Variants in OXSR1 observed in about 807,000 individuals in gnomAD.
OXSR1 encodes serine/threonine-protein kinase OSR1.
OXSR1 carries 24 observed loss-of-function variants against 79.8 expected under a neutral mutation model. The observed-to-expected ratio is 0.30, with a 90% confidence interval of 0.22 to 0.42. OXSR1 has a LOEUF of 0.42. Among genes scored for constraint, OXSR1 ranks in the 10% least tolerant of loss-of-function variants. The pLI, the probability that OXSR1 is intolerant of heterozygous loss-of-function variation, is 1.00. For synonymous variants in OXSR1, 226 were observed against 209.2 expected, an observed-to-expected ratio of 1.08 and a Z score of -0.69; for missense variants, 430 against 618.4, an observed-to-expected ratio of 0.70 and a Z score of 3.23.
intron 4 of OXSR1, among the ~76,000 whole-genome samples, chr3:38,205,060 G>A (rs897939101): frequency 2.6e-5 from 4 of 152,272 alleles, no homozygotes; most frequent in African/African-American, 7.2e-5. Flanking sequence ...TGCTGGCTGC[G>A]TTCTGCCTGG....
intron 10 of OXSR1, among the ~76,000 whole-genome samples, chr3:38,234,730 A>C (rs1017125188): frequency 9.2e-5 from 14 of 152,214 alleles, no homozygotes; most frequent in African/African-American, 3.1e-4. Flanking sequence ...CAGCAGTTCT[A>C]CTCCTAGGCA....
intron 10 of OXSR1, 149 bp from the exon 11 acceptor site, chr3:38,236,690 T>C: frequency 3.2e-6 from 2 of 625,840 alleles, no homozygotes; most frequent in Non-Finnish European, 5.3e-6. Context: ...AGGTGATGGT[T>C]GGAGGATATG....
chr3:38,242,842 G>A (rs1472107640), intron 12 of OXSR1, 64 bp downstream of exon 12: 5 of 1,025,770 alleles, frequency 4.9e-6, no homozygotes, highest in Middle Eastern at 2.0e-4. Context: ...GTTTCAATTC[G>A]AAGTGCTTTT....
chr3:38,235,110 T>C (rs1702892053), intron 10 of OXSR1, among the ~76,000 whole-genome samples: 1 of 152,222 alleles, frequency 6.6e-6, no homozygotes, highest in African/African-American at 2.4e-5. Context: ...CAGTTACTGC[T>C]AAAGAGTATG....
intron 5 of OXSR1, 64 bp from the exon 6 acceptor site, chr3:38,221,514 G>A: frequency 1.2e-6 from 1 of 863,266 alleles, no homozygotes; most frequent in South Asian, 1.4e-5. Context: ...ACATTGTATT[G>A]TTTTCCTATT....
At chr3:38,192,025 T>C (rs1482366825) in intron 3 of OXSR1, among the ~76,000 whole-genome samples, 1 of 152,218 alleles carries the variant, frequency 6.6e-6, no homozygotes, top group Non-Finnish European at 1.5e-5. Context: ...CAAGTTTTAG[T>C]GTAAAATGTT....
At chr3:38,201,159 A>G (rs1015339933) in intron 4 of OXSR1, among the ~76,000 whole-genome samples, 12 of 151,930 alleles carry the variant, frequency 7.9e-5, no homozygotes, top group East Asian at 1.9e-4. Flanking sequence ...TCCCACCTCA[A>G]TCTCACAAGT....
At chr3:38,186,383 G>GT (rs560906202) in intron 2 of OXSR1, among the ~76,000 whole-genome samples, 5 of 152,050 alleles carry the variant, frequency 3.3e-5, no homozygotes, top group Non-Finnish European at 7.4e-5. Flanking sequence ...TAATGCTATG[G>GT]TTTTTAGTTT....
intron 3 of OXSR1, among the ~76,000 whole-genome samples, chr3:38,194,757 A>C (rs1212507045): frequency 6.6e-6 from 1 of 152,146 alleles, no homozygotes; most frequent in Non-Finnish European, 1.5e-5. Context: ...CTTACTGATA[A>C]GCAAAGACTC....
chr3:38,234,359 G>A (rs1702875110), intron 10 of OXSR1, among the ~76,000 whole-genome samples: 2 of 152,094 alleles, frequency 1.3e-5, no homozygotes, highest in African/African-American at 2.4e-5. Flanking sequence ...TATATGATAA[G>A]GGACTTGTAT....
At chr3:38,190,267 A>G (rs1294216929) in intron 2 of OXSR1, among the ~76,000 whole-genome samples, 1 of 152,170 alleles carries the variant, frequency 6.6e-6, no homozygotes, top group Non-Finnish European at 1.5e-5. Flanking sequence ...GTCCTGTTTC[A>G]GTTTGTTTCT....
intron 1 of OXSR1, among the ~76,000 whole-genome samples, chr3:38,169,092 T>C (rs1559497315): frequency 6.6e-6 from 1 of 152,226 alleles, no homozygotes; most frequent in Non-Finnish European, 1.5e-5. Flanking sequence ...TAAGAGTTCT[T>C]GTTTCTCTAA....
intron 2 of OXSR1, 149 bp downstream of exon 2, chr3:38,183,264 A>C (rs1036193246): frequency 6.3e-5 from 27 of 427,712 alleles, no homozygotes; most frequent in Non-Finnish European, 1.0e-4. Flanking sequence ...AAATTTATAA[A>C]GTCTGGATAA....
At chr3:38,177,359 A>G (rs933388209) in intron 1 of OXSR1, among the ~76,000 whole-genome samples, 1 of 152,184 alleles carries the variant, frequency 6.6e-6, no homozygotes, top group Non-Finnish European at 1.5e-5. Context: ...GGCAAACACT[A>G]CCATTCTGCC....
At chr3:38,209,058 C>G (rs778637675) in intron 4 of OXSR1, among the ~76,000 whole-genome samples, 5 of 151,926 alleles carry the variant, frequency 3.3e-5, no homozygotes, top group Non-Finnish European at 2.9e-5. Flanking sequence ...GTTGTGATTA[C>G]TCATTGAAAC....
intron 3 of OXSR1, among the ~76,000 whole-genome samples, chr3:38,191,235 AT>A (rs143185191): frequency 0.26 from 38,542 of 147,886 alleles, 6,054 homozygotes; most frequent in South Asian, 0.46. Flanking sequence ...ATTTAATATA[AT>A]TTTTTTTTTT....
At chr3:38,248,229 A>G (rs1703183730) in intron 14 of OXSR1, among the ~76,000 whole-genome samples, 1 of 151,900 alleles carries the variant, frequency 6.6e-6, no homozygotes, top group Non-Finnish European at 1.5e-5. Context: ...GTTTTGCAGC[A>G]AGTACCCTAA....
intron 4 of OXSR1, among the ~76,000 whole-genome samples, chr3:38,203,755 A>C (rs1404377893): frequency 6.6e-6 from 1 of 152,084 alleles, no homozygotes; most frequent in Admixed American, 6.5e-5. Flanking sequence ...CCCTGTGGCT[A>C]CCAGCACTGG....
In OXSR1 at chr3:38,165,923, A is replaced by G; in HGVS notation, c.47A>G (p.Asp16Gly). The G allele has an allele frequency of 6.2e-7, 1 of 1,611,638 alleles. No individual in the cohort carries two copies. The highest frequency in any genetic ancestry group is 8.5e-7 in the Non-Finnish European group (1 of 1,179,612). ...SALPWSINRD[D>G]YELQEVIGSG... ...CTGCCCTGGTCCATCAACAGGGACG[A>G]TTACGAGCTGCAGGAGGTGATCGGT... Residue 16 changes from aspartate (D) to glycine (G), a missense_variant, in exon 1 of 18, where the codon GAT becomes GGT. Asp to Gly is a moderately conservative substitution (Grantham distance 94). Around this residue, in one of 3 missense-constraint regions of OXSR1, gnomAD observed 145 missense variants for 228.3 expected, o/e 0.64. Transcript: ENST00000311806.
Sources: gnomAD v4.1 joint callset for allele counts (sites outside exome capture counted in the v4.1 genomes callset) on GRCh38, gnomAD v4.1.1 for gene constraint, gnomAD v4.1.1 regional missense constraint, MANE v1.5 for transcripts, NCBI Gene and HGNC (gene_info 2026-07-23, HGNC 2026-07-21) for gene names.